RORA: variants seen among roughly 807,000 people sequenced by gnomAD.
The protein encoded by RORA is nuclear receptor ROR-alpha.
A neutral mutation model predicts 69.5 loss-of-function variants in RORA; 7 were observed. The ratio of observed to expected loss-of-function variants is 0.10; its 90% CI spans 0.06 to 0.19. RORA has a LOEUF of 0.19. Ranked by LOEUF, RORA falls within the 10% of genes least tolerant of loss-of-function variation. The pLI, the probability that RORA is intolerant of heterozygous loss-of-function variation, is 1.00. For missense variants in RORA, 457 were observed against 663.0 expected, an observed-to-expected ratio of 0.69 and a Z score of 3.41; for synonymous variants, 261 against 240.8, an observed-to-expected ratio of 1.08 and a Z score of -0.78.
At chr15:60,497,722 C>T in intron 10 of RORA, 103 bp from the exon 11 acceptor site, 1 of 979,306 alleles carries the variant, frequency 1.0e-6, no homozygotes, top group East Asian at 2.4e-5. Flanking sequence ...AATGGTGAAA[C>T]ACACTTAAAG....
At chr15:60,524,580 T>TA (rs747563723) in intron 3 of RORA, among the ~76,000 whole-genome samples, 69 of 152,338 alleles carry the variant, frequency 4.5e-4, no homozygotes, top group Non-Finnish European at 9.1e-4. Context: ...TGTGTACCTT[T>TA]AAGAGTCCTG....
chr15:60,784,354 T>G (rs1298075748), intron 1 of RORA, among the ~76,000 whole-genome samples: 1 of 152,208 alleles, frequency 6.6e-6, no homozygotes, highest in Non-Finnish European at 1.5e-5. Flanking sequence ...CCTTGGATCT[T>G]CCATTCAATG....
chr15:60,907,122 C>G (rs932539613), intron 1 of RORA, among the ~76,000 whole-genome samples: 1 of 152,132 alleles, frequency 6.6e-6, no homozygotes, highest in Non-Finnish European at 1.5e-5. Context: ...CAGCCCCCCA[C>G]CAACATTATC....
intron 1 of RORA, among the ~76,000 whole-genome samples, chr15:61,024,114 G>A (rs2140422926): frequency 6.6e-6 from 1 of 152,106 alleles, no homozygotes; most frequent in South Asian, 2.1e-4. Context: ...AGAGAGAGAG[G>A]TAGTAATTCA....
intron 2 of RORA, among the ~76,000 whole-genome samples, chr15:60,656,301 A>T (rs1004885999): frequency 6.6e-6 from 1 of 152,208 alleles, no homozygotes; most frequent in Non-Finnish European, 1.5e-5. Flanking sequence ...TGCAGCATGC[A>T]TATGTGTCTG....
chr15:60,775,534 C>T (rs907952015), intron 1 of RORA, among the ~76,000 whole-genome samples: 1 of 152,094 alleles, frequency 6.6e-6, no homozygotes, highest in Non-Finnish European at 1.5e-5. Context: ...GATAAAAATC[C>T]TTCTTGGATA....
rs191424191 is a variant in RORA at position 61,107,855 on chromosome 15, C to T, written c.166+121198G>A. On this transcript the variant is annotated intron_variant, in intron 1 of 10. Transcript: ENST00000335670. The stretch of plus-strand genomic sequence containing the variant: ...CCGAATCCCAGAGAGAATACACTAT[C>T]CATTCACTCCATCCACCAGTAACCT... 3.0e-3 allele frequency among the ~76,000 whole-genome samples: 462 copies of T among 152,194 alleles called. 1 individual carries two copies. Among genetic ancestry groups the T allele is most frequent in the Non-Finnish European group, 5.4e-3 (364 of 67,986 alleles).
At chr15:60,602,433 CT>C (rs1449870027) in intron 2 of RORA, among the ~76,000 whole-genome samples, 1 of 152,136 alleles carries the variant, frequency 6.6e-6, no homozygotes, top group Non-Finnish European at 1.5e-5. Context: ...AAGTTTTGTC[CT>C]CTTATGAATA....
intron 1 of RORA, among the ~76,000 whole-genome samples, chr15:60,955,900 G>A (rs1274046689): frequency 6.6e-6 from 1 of 152,172 alleles, no homozygotes; most frequent in Non-Finnish European, 1.5e-5. Context: ...TCTGCAAAGA[G>A]GTCAGATGAC....
intron 1 of RORA, among the ~76,000 whole-genome samples, chr15:60,973,598 T>C (rs758203211): frequency 6.6e-6 from 1 of 152,222 alleles, no homozygotes; most frequent in Non-Finnish European, 1.5e-5. Context: ...CTTGTAACAG[T>C]GGTGACCTCT....
At chr15:60,535,390 C>T (rs75618170) in intron 2 of RORA, among the ~76,000 whole-genome samples, 3,464 of 152,304 alleles carry the variant, frequency 0.023, 95 homozygotes, top group African/African-American at 0.063. Flanking sequence ...TTTGCTCTCT[C>T]ATGCACCCTG....
intron 6 of RORA, 138 bp from the exon 7 acceptor site, chr15:60,503,805 A>C (rs1287379088): frequency 1.0e-6 from 1 of 983,506 alleles, no homozygotes; most frequent in Non-Finnish European, 1.4e-6. Flanking sequence ...ATCTTATTTT[A>C]TTTTATTTTA....
chr15:60,809,818 T>A (rs934195541), intron 1 of RORA, among the ~76,000 whole-genome samples: 6 of 152,108 alleles, frequency 3.9e-5, no homozygotes, highest in Non-Finnish European at 7.4e-5. Flanking sequence ...AATAATTAAC[T>A]TTTTTGCTTG....
intron 1 of RORA, among the ~76,000 whole-genome samples, chr15:60,780,393 G>A (rs1208143214): frequency 2.0e-5 from 3 of 152,294 alleles, no homozygotes; most frequent in Non-Finnish European, 4.4e-5. Flanking sequence ...TGTAGACAGT[G>A]AACATCCGCA....
intron 1 of RORA, among the ~76,000 whole-genome samples, chr15:61,214,672 G>A (rs1178842094): frequency 6.6e-6 from 1 of 152,092 alleles, no homozygotes; most frequent in African/African-American, 2.4e-5. Flanking sequence ...AATGCAGAGA[G>A]GGGGCCTTGG....
At position 60,852,728 on chromosome 15, in the gene RORA, G is replaced by T. The variant is rs552075244; in HGVS notation, c.167-174042C>A. Among the ~76,000 whole-genome samples the T allele has an allele frequency of 9.8e-5, 15 of 152,288 alleles. No homozygotes were observed. In the South Asian group the frequency reaches 3.1e-3, roughly 32 times the overall value. On this transcript the variant is annotated intron_variant, in intron 1 of 10. Coordinates refer to ENST00000335670, the MANE Select transcript of RORA (RefSeq NM_134261.3). ...CTGGAAGGGAAATGAAGGATGTGGG[G>T]TGAGTCTGCAGCAAACAGTATCATC...
intron 1 of RORA, among the ~76,000 whole-genome samples, chr15:60,744,279 AT>A (rs1217797791): frequency 4.6e-5 from 7 of 152,214 alleles, no homozygotes; most frequent in Non-Finnish European, 1.0e-4. Flanking sequence ...TTGAAAACCA[AT>A]GTGTGCTTCT....
intron 1 of RORA, among the ~76,000 whole-genome samples, chr15:60,769,183 T>A (rs1567184133): frequency 6.6e-6 from 1 of 152,176 alleles, no homozygotes; most frequent in Non-Finnish European, 1.5e-5. Flanking sequence ...CAAAGGCAAA[T>A]GAACTTCCAT....
chr15:60,952,431 C>T lies in RORA; in HGVS notation c.167-273745G>A, dbSNP rs762181519. ...CTCCTATTCAACATAGTGTTGGAAGCTCTGGCCAGGGCAATTAGGCAGGAG... is the reference window on the plus strand; with the variant it reads ...CTCCTATTCAACATAGTGTTGGAAGTTCTGGCCAGGGCAATTAGGCAGGAG... On this transcript the variant is annotated intron_variant, in intron 1 of 10. Transcript: ENST00000335670. Among the ~76,000 whole-genome samples the T allele has an allele frequency of 1.7e-3, 260 of 151,952 alleles. 1 individual carries two copies. Among genetic ancestry groups the T allele is most frequent in the Non-Finnish European group, 2.1e-3 (143 of 67,942 alleles).
Sources: allele counts gnomAD v4.1 joint callset (sites outside exome capture counted in the v4.1 genomes callset), GRCh38; gene constraint gnomAD v4.1.1; transcripts MANE v1.5; gene names NCBI Gene and HGNC (gene_info 2026-07-23, HGNC 2026-07-21).